Variants in OR9G4 observed in about 807,000 individuals in gnomAD.
OR9G4 encodes the protein olfactory receptor 9G4.
In OR9G4, 19 loss-of-function variants were observed where a neutral mutation model predicts 16.7. The ratio of observed to expected loss-of-function variants is 1.14; its 90% confidence interval spans 0.79 to 1.67. OR9G4 has a LOEUF of 1.67. OR9G4 is among the 40% of genes most tolerant of loss of function. OR9G4 has a pLI of 0.00. For synonymous variants in OR9G4, 182 were observed against 146.2 expected (o/e 1.24, Z -1.76); for missense variants, 428 against 370.4 (o/e 1.16, Z -1.28).
chr11:56,743,011 AT>A lies in OR9G4; in HGVS notation c.755del (p.Tyr252LeufsTer17), dbSNP rs1362673426. 2 of 1,613,970 alleles carry A rather than the reference AT, an allele frequency of 1.2e-6. No homozygotes were observed. The highest frequency in any genetic ancestry group is 1.7e-6 in the Non-Finnish European group (2 of 1,179,942). The part of the protein sequence containing the change: ...ASHLISVMLF[Y>X]GSLLFMYSRP... ...TTGAATACATAAACAACAATGATCC[AT>A]AGAAGAGCATGACTGAGATGAGGTG... On this transcript the variant is annotated frameshift_variant, in exon 2 of 2. Coordinates refer to ENST00000641668, the MANE Select transcript of OR9G4 (RefSeq NM_001005284.2). LOFTEE classifies it high-confidence loss of function.
intron 1 of OR9G4, among the ~76,000 whole-genome samples, chr11:56,744,281 T>C (rs938039769): frequency 5.9e-5 from 9 of 152,284 alleles, no homozygotes; most frequent in Admixed American, 3.9e-4. Context: ...CTCAAACTCC[T>C]GACCTTAGGT....
chr11:56,743,934 G>A, intron 1 of OR9G4, 146 bp from the exon 2 acceptor site: 2 of 883,914 alleles, frequency 2.3e-6, no homozygotes, highest in Non-Finnish European at 3.4e-6. Context: ...TCCATGATTT[G>A]GAAAAATTAC....
In OR9G4 at chr11:56,742,576, A is replaced by G. The variant is rs1345056765; in HGVS notation, c.*252T>C. 1.3e-4 allele frequency: 58 copies of G among 432,172 alleles called. 2 individuals carry two copies. Among genetic ancestry groups the G allele is most frequent in the Non-Finnish European group, 1.3e-4 (32 of 243,456 alleles). The allele number at this position is 432,172 out of a possible 1,614,324, so 26.8% of individuals were successfully genotyped here. ...AAAGGGAGCAAACACAATGAAATCT[A>G]TGAAAGATTTAATGCTGCCAAGGCA... On this transcript the variant is annotated 3_prime_UTR_variant, in exon 2 of 2. Transcript: ENST00000641668.
At chr11:56,747,664 G>A (rs1219913815) in intron 1 of OR9G4, among the ~76,000 whole-genome samples, 1 of 151,706 alleles carries the variant, frequency 6.6e-6, no homozygotes, top group East Asian at 1.9e-4. Flanking sequence ...GTTTAGCAAA[G>A]TACTTTCTAT....
At chr11:56,746,292 CAAAAAAAAAAAAAAAAAA>C in intron 1 of OR9G4, among the ~76,000 whole-genome samples, 1 of 70,560 alleles carries the variant, frequency 1.4e-5, no homozygotes, top group South Asian at 6.0e-4. Context: ...GACTCCGTCT[CAAAAAAAAAAAAAAAAAA>C]AAAAAAAATA....
At chr11:56,747,591 T>C (rs190173917) in intron 1 of OR9G4, among the ~76,000 whole-genome samples, 2 of 152,348 alleles carry the variant, frequency 1.3e-5, no homozygotes, top group East Asian at 3.9e-4. Flanking sequence ...TAGTCATGAA[T>C]TAGCACTCAG....
chr11:56,744,728 TACC>T (rs1858377419), intron 1 of OR9G4, among the ~76,000 whole-genome samples: 1 of 152,180 alleles, frequency 6.6e-6, no homozygotes, highest in Admixed American at 6.5e-5. Context: ...TTTAAAATCC[TACC>T]ACCACCATGT....
At chr11:56,743,861 T>C (rs771703110) in intron 1 of OR9G4, 73 bp from the exon 2 acceptor site, 15 of 1,504,584 alleles carry the variant, frequency 1.0e-5, no homozygotes, top group Non-Finnish European at 1.3e-5. Flanking sequence ...ATCAATTAAA[T>C]CAACAATTAC....
In OR9G4 at chr11:56,743,463, A is replaced by G. The variant is rs746501656; in HGVS notation, c.304T>C (p.Phe102Leu). 1.1e-5 allele frequency: 17 copies of G among 1,614,156 alleles called. No homozygotes were observed. The Admixed American group carries it at 2.8e-4, about 27-fold the overall frequency. The change falls in exon 2 of 2, where the codon TTT (phenylalanine) becomes CTT (leucine). Residue 102 changes from phenylalanine to leucine, a missense_variant. Coordinates refer to ENST00000641668, the MANE Select transcript of OR9G4 (RefSeq NM_001005284.2). ...GTGTAGGCTACAACACAGGAAAAAA[A>G]CAGCTGAGCCCCACATCCAGCCAAG... is the stretch of plus-strand genomic sequence containing the variant. ...ISLAGCGAQL[F>L]FSCVVAYTEC...
chr11:56,744,753 G>A (rs1858377776), intron 1 of OR9G4, among the ~76,000 whole-genome samples: 1 of 152,054 alleles, frequency 6.6e-6, no homozygotes, highest in Admixed American at 6.5e-5. Context: ...AATAAGCCTG[G>A]GTTAGTTTGC....
At position 56,743,624 on chromosome 11, in the gene OR9G4, A is replaced by G. The variant is rs372652737; in HGVS notation, c.143T>C (p.Leu48Ser). The G allele has an allele frequency of 1.9e-6, 3 of 1,613,932 alleles. No homozygotes were observed. Among genetic ancestry groups the G allele is most frequent in the Admixed American group, 1.7e-5 (1 of 60,010 alleles). ...TLSGNMTLVI[L>S]IRTDSHLHTP... ...ATGCAAGTGGGAATCAGTTCGGATT[A>G]AGATAACCAAGGTCATGTTTCCTGA... is the stretch of plus-strand genomic sequence containing the variant. The change falls in exon 2 of 2, where the codon TTA becomes TCA. Residue 48 changes from leucine (L) to serine (S), a missense_variant. Physicochemically the swap from Leu to Ser is moderately radical, Grantham distance 145 (BLOSUM62 -2). Coordinates refer to ENST00000641668, the MANE Select transcript of OR9G4 (RefSeq NM_001005284.2).
In OR9G4 at chr11:56,742,910, T is replaced by C. The variant is rs751460568; in HGVS notation, c.857A>G (p.Asn286Ser). The C allele has an allele frequency of 1.2e-6, 2 of 1,614,070 alleles. No individual in the cohort carries two copies. Among genetic ancestry groups the C allele is most frequent in the South Asian group, 1.1e-5 (1 of 91,080 alleles). The change falls in exon 2 of 2, where the codon AAC becomes AGC. Residue 286 changes from asparagine (N) to serine (S), a missense_variant. Transcript: ENST00000641668. ...GTTTCTCAGGCTATAGATGAGAGGG[T>C]TGAGCAGTGGGTTGATCACGGTGTA... The part of the protein sequence containing the change: ...LFYTVINPLL[N>S]PLIYSLRNKD...
At chr11:56,747,677 C>CT (rs139302229) in intron 1 of OR9G4, among the ~76,000 whole-genome samples, 9,280 of 148,032 alleles carry the variant, frequency 0.063, 414 homozygotes, top group Non-Finnish European at 0.09. Flanking sequence ...CTTTCTATTT[C>CT]TTTTTTTTTT....
intron 1 of OR9G4, 46 bp from the exon 2 acceptor site, chr11:56,743,834 C>T (rs1014027119): frequency 2.5e-6 from 4 of 1,581,424 alleles, no homozygotes; most frequent in African/African-American, 1.4e-5. Context: ...TTTCTATTCA[C>T]ACAAGTTGAC....
In OR9G4 at chr11:56,742,835, T is replaced by G; in HGVS notation, c.932A>C (p.Gln311Pro). 1 of 1,610,700 alleles carries G rather than the reference T, an allele frequency of 6.2e-7. No individual in the cohort carries two copies. Among genetic ancestry groups the G allele is most frequent in the Non-Finnish European group, 8.5e-7 (1 of 1,178,472 alleles). ...TTGCAAAGAGAATAACCTTCATGTTTGTGGTTGTATAGTCTGTGTTGCTTT... is the reference window on the plus strand; with the variant it reads ...TTGCAAAGAGAATAACCTTCATGTTGGTGGTTGTATAGTCTGTGTTGCTTT... Reference protein sequence around the residue: ...FRKATQTIQPQT With the variant: ...FRKATQTIQPPT The change falls in exon 2 of 2, where the codon CAA (glutamine) becomes CCA (proline). Residue 311 changes from glutamine to proline, a missense_variant. Physicochemically the swap from Gln to Pro is moderately conservative, Grantham distance 76. Coordinates refer to ENST00000641668, the MANE Select transcript of OR9G4 (RefSeq NM_001005284.2).
intron 1 of OR9G4, among the ~76,000 whole-genome samples, chr11:56,748,291 C>A (rs952511830): frequency 6.6e-6 from 1 of 152,200 alleles, no homozygotes; most frequent in Non-Finnish European, 1.5e-5. Context: ...AATGTGCCTT[C>A]CTGGCATCTC....
At chr11:56,748,156 A>G (rs924485344) in intron 1 of OR9G4, among the ~76,000 whole-genome samples, 4 of 152,224 alleles carry the variant, frequency 2.6e-5, no homozygotes, top group African/African-American at 7.2e-5. Flanking sequence ...TAAAAGGCAC[A>G]GAAAATGTCT....
chr11:56,746,992 T>C (rs994980307), intron 1 of OR9G4, among the ~76,000 whole-genome samples: 1 of 152,108 alleles, frequency 6.6e-6, no homozygotes, highest in Non-Finnish European at 1.5e-5. Flanking sequence ...ATAAATAAGT[T>C]GCTTCTGTAT....
chr11:56,746,561 C>A (rs1339522147), intron 1 of OR9G4, among the ~76,000 whole-genome samples: 1 of 152,110 alleles, frequency 6.6e-6, no homozygotes, highest in Non-Finnish European at 1.5e-5. Flanking sequence ...AAAAATTCTA[C>A]TAATGGAAGA....
Sources: allele counts gnomAD v4.1 joint callset (sites outside exome capture counted in the v4.1 genomes callset), GRCh38; gene constraint gnomAD v4.1.1; transcripts MANE v1.5; gene names NCBI Gene and HGNC (gene_info 2026-07-23, HGNC 2026-07-21).